The following FYB1 variants were observed in gnomAD, a reference collection of about 807,000 sequenced individuals.
FYB1 encodes the protein FYN binding protein 1.
A neutral mutation model predicts 94.1 loss-of-function variants in FYB1; 41 were observed. The ratio of observed to expected loss-of-function variants is 0.44; its 90% CI spans 0.34 to 0.57. The LOEUF (loss-of-function observed/expected upper bound fraction) is 0.57, where lower values mean the gene tolerates loss of function less well. Among genes scored for constraint, FYB1 ranks in the 20% least tolerant of loss-of-function variants. The pLI, the probability that FYB1 is intolerant of heterozygous loss-of-function variation, is 0.02. For missense variants in FYB1, 1,050 were observed against 976.8 expected (o/e 1.07, Z -1.00); for synonymous variants, 367 against 353.2 (o/e 1.04, Z -0.44).
At chr5:39,110,584 T>C (rs1738979231) in intron 16 of FYB1, 195 bp from the exon 17 acceptor site, 1 of 469,812 alleles carries the variant, frequency 2.1e-6, no homozygotes, top group Non-Finnish European at 3.9e-6. Context: ...TCCCTAACTT[T>C]TCTCTTTCTC....
At position 39,151,781 on chromosome 5, in the gene FYB1, C is replaced by T. The variant is rs192326409; in HGVS notation, c.1292+1667G>A. On this transcript the variant is annotated intron_variant, in intron 3 of 18. Coordinates refer to ENST00000512982, the MANE Select transcript of FYB1 (RefSeq NM_001465.6). ...GGTCTTTGATTAGAAAAGGGAGGAA[C>T]GTTTGCAGGTTGGCAGAGGGAATGT... 4.8e-4 allele frequency among the ~76,000 whole-genome samples: 73 copies of T among 152,192 alleles called. 2 individuals carry two copies. The highest frequency in any genetic ancestry group is 3.8e-4 in the Non-Finnish European group (26 of 68,008).
chr5:39,169,749 G>C (rs905800491), intron 2 of FYB1: 13 of 480,476 alleles, frequency 2.7e-5, no homozygotes, highest in Admixed American at 2.6e-4. Context: ...ATCTTCATTA[G>C]GTGTTGGGAT....
intron 2 of FYB1, among the ~76,000 whole-genome samples, chr5:39,196,345 A>T (rs1321611354): frequency 6.6e-6 from 1 of 150,756 alleles, no homozygotes; most frequent in Non-Finnish European, 1.5e-5. Flanking sequence ...AGTAGCTGGG[A>T]GGTGCGCACC....
At chr5:39,182,826 C>T (rs1290237174) in intron 2 of FYB1, among the ~76,000 whole-genome samples, 1 of 152,184 alleles carries the variant, frequency 6.6e-6, no homozygotes, top group Non-Finnish European at 1.5e-5. Context: ...GCTATTGTTT[C>T]CTTTTCCATT....
At chr5:39,192,403 A>C (rs755567440) in intron 2 of FYB1, among the ~76,000 whole-genome samples, 60 of 152,190 alleles carry the variant, frequency 3.9e-4, no homozygotes, top group Non-Finnish European at 6.8e-4. Flanking sequence ...TTTGAGGGTA[A>C]TGTATTTCAA....
chr5:39,110,769 A>G, intron 16 of FYB1: 1 of 345,960 alleles, frequency 2.9e-6, no homozygotes, highest in Non-Finnish European at 5.5e-6. Flanking sequence ...ATTTATTGGT[A>G]AGTATTTTAA....
At chr5:39,165,280 A>G (rs1744616450) in intron 2 of FYB1, among the ~76,000 whole-genome samples, 1 of 152,208 alleles carries the variant, frequency 6.6e-6, no homozygotes, top group Non-Finnish European at 1.5e-5. Flanking sequence ...TGGCACTGGT[A>G]TAAAAATAGA....
chr5:39,189,235 CTT>C (rs199894461), intron 2 of FYB1, among the ~76,000 whole-genome samples: 2,151 of 136,938 alleles, frequency 0.016, 57 homozygotes, highest in African/African-American at 0.055. Flanking sequence ...TATGGAATTC[CTT>C]TTTTTTTTTT....
At chr5:39,262,814 A>G (rs1189939126) in intron 1 of FYB1, among the ~76,000 whole-genome samples, 1 of 152,206 alleles carries the variant, frequency 6.6e-6, no homozygotes, top group Non-Finnish European at 1.5e-5. Context: ...TCATGAAAAA[A>G]AATCTGGGCA....
At chr5:39,218,387 C>T (rs143063291) in intron 1 of FYB1, among the ~76,000 whole-genome samples, 602 of 152,284 alleles carry the variant, frequency 4.0e-3, no homozygotes, top group Non-Finnish European at 6.0e-3. Flanking sequence ...GTGTATCTCA[C>T]ATTGCATGGG....
intron 1 of FYB1, among the ~76,000 whole-genome samples, chr5:39,241,861 T>C (rs1751224478): frequency 6.6e-6 from 1 of 152,124 alleles, no homozygotes; most frequent in Non-Finnish European, 1.5e-5. Flanking sequence ...GGGCATCTTT[T>C]TAATAAAGAT....
intron 2 of FYB1, among the ~76,000 whole-genome samples, chr5:39,160,269 T>C (rs764511648): frequency 3.3e-5 from 5 of 152,212 alleles, no homozygotes; most frequent in Non-Finnish European, 5.9e-5. Context: ...TCTTAATAAA[T>C]GGTCCTATTC....
chr5:39,158,114 C>T (rs1253506239), intron 2 of FYB1, among the ~76,000 whole-genome samples: 1 of 152,086 alleles, frequency 6.6e-6, no homozygotes, highest in Non-Finnish European at 1.5e-5. Context: ...GGGAGAATTG[C>T]GAATAACAGG....
intron 1 of FYB1, among the ~76,000 whole-genome samples, chr5:39,205,192 C>T (rs185765508): frequency 6.6e-6 from 1 of 152,280 alleles, no homozygotes; most frequent in East Asian, 1.9e-4. Context: ...GACTTAATTC[C>T]ATATCATATA....
chr5:39,122,940 T>C (rs922586982), intron 13 of FYB1, among the ~76,000 whole-genome samples: 2 of 152,178 alleles, frequency 1.3e-5, no homozygotes, highest in African/African-American at 4.8e-5. Context: ...GAAAGATTAT[T>C]TCTTTTAATT....
intron 1 of FYB1, among the ~76,000 whole-genome samples, chr5:39,243,092 C>T (rs1334910863): frequency 6.6e-6 from 1 of 152,044 alleles, no homozygotes; most frequent in Non-Finnish European, 1.5e-5. Context: ...CTGTAGGTTG[C>T]CTGTTCACTC....
chr5:39,257,251 T>C (rs1411273580), intron 1 of FYB1, among the ~76,000 whole-genome samples: 1 of 152,222 alleles, frequency 6.6e-6, no homozygotes, highest in Non-Finnish European at 1.5e-5. Flanking sequence ...ATGAGAAAAG[T>C]TAATTTTTAC....
At chr5:39,265,939 G>T (rs1217967793) in intron 1 of FYB1, among the ~76,000 whole-genome samples, 1 of 149,786 alleles carries the variant, frequency 6.7e-6, no homozygotes, top group Non-Finnish European at 1.5e-5. Flanking sequence ...TGGATGAAAG[G>T]AACAAAACAA....
intron 2 of FYB1, among the ~76,000 whole-genome samples, chr5:39,171,827 A>AC (rs1477679830): frequency 6.6e-5 from 10 of 152,186 alleles, no homozygotes; most frequent in African/African-American, 2.4e-4. Flanking sequence ...GCCAAAGCAT[A>AC]CGTGGGCCAA....
Sources: gnomAD v4.1 joint callset for allele counts (sites outside exome capture counted in the v4.1 genomes callset) on GRCh38, gnomAD v4.1.1 for gene constraint, MANE v1.5 for transcripts, NCBI Gene and HGNC (gene_info 2026-07-23, HGNC 2026-07-21) for gene names.